SMARCAD1: variants seen among roughly 807,000 people sequenced by gnomAD.
SMARCAD1 encodes the protein SWI/SNF-related matrix-associated actin-dependent regulator of chromatin subfamily A containing DEAD/H box 1.
Under a neutral mutation model 127.1 loss-of-function variants are expected in SMARCAD1, and 25 were observed. The observed-to-expected ratio is 0.20, with a 90% CI of 0.14 to 0.27. The LOEUF (loss-of-function observed/expected upper bound fraction) is 0.27. Ranked by LOEUF, SMARCAD1 falls within the 10% of genes least tolerant of loss-of-function variation. SMARCAD1 has a pLI of 1.00. For missense variants in SMARCAD1, 807 were observed against 1,206.0 expected (o/e 0.67, Z 4.90); for synonymous variants, 400 against 396.9 (o/e 1.01, Z -0.09).
chr4:94,267,875 A>G (rs1225367101), intron 10 of SMARCAD1, among the ~76,000 whole-genome samples: 2 of 152,170 alleles, frequency 1.3e-5, no homozygotes, highest in Admixed American at 6.5e-5. Flanking sequence ...AAAACTGTGA[A>G]GCGTCAAAAT....
intron 2 of SMARCAD1, 125 bp downstream of exon 2, chr4:94,208,709 T>C: frequency 1.1e-6 from 1 of 931,568 alleles, no homozygotes; most frequent in Non-Finnish European, 1.7e-6. Context: ...GGTGTGCCCT[T>C]TTAAATACAG....
intron 6 of SMARCAD1, among the ~76,000 whole-genome samples, chr4:94,246,393 A>G (rs1261145178): frequency 6.6e-6 from 1 of 152,140 alleles, no homozygotes; most frequent in African/African-American, 2.4e-5. Context: ...TGCTGGGATT[A>G]CAAGCGTGAG....
intron 6 of SMARCAD1, among the ~76,000 whole-genome samples, chr4:94,245,479 A>G (rs986665004): frequency 2.0e-5 from 3 of 152,182 alleles, no homozygotes; most frequent in Non-Finnish European, 4.4e-5. Flanking sequence ...TTTAGTGTAA[A>G]AGGAGGAGGC....
intron 3 of SMARCAD1, among the ~76,000 whole-genome samples, chr4:94,227,329 C>T (rs1745182754): frequency 6.6e-6 from 1 of 151,956 alleles, no homozygotes; most frequent in Admixed American, 6.6e-5. Flanking sequence ...GATGGGAATT[C>T]CTAGGAGAAT....
intron 21 of SMARCAD1, 116 bp from the exon 22 acceptor site, chr4:94,283,005 C>T: frequency 1.2e-6 from 1 of 829,430 alleles, no homozygotes; most frequent in South Asian, 1.6e-5. Context: ...AACTGCAATA[C>T]TAAGAGATGT....
chr4:94,222,567 A>G (rs1744312542), intron 2 of SMARCAD1, among the ~76,000 whole-genome samples: 2 of 152,124 alleles, frequency 1.3e-5, no homozygotes, highest in South Asian at 2.1e-4. Context: ...TACATATCTG[A>G]TAAGTGCTAA....
intron 5 of SMARCAD1, among the ~76,000 whole-genome samples, chr4:94,239,765 G>T (rs1315622779): frequency 6.6e-6 from 1 of 151,816 alleles, no homozygotes; most frequent in Non-Finnish European, 1.5e-5. Context: ...TAGAGATGGG[G>T]TTTCACCATA....
chr4:94,251,251 A>G (rs1749232390), intron 8 of SMARCAD1, among the ~76,000 whole-genome samples: 1 of 152,184 alleles, frequency 6.6e-6, no homozygotes, highest in Non-Finnish European at 1.5e-5. Flanking sequence ...ACTTAAGGGT[A>G]TCATAGGCAT....
chr4:94,264,194 A>G (rs533699614), intron 9 of SMARCAD1, among the ~76,000 whole-genome samples: 2 of 152,032 alleles, frequency 1.3e-5, no homozygotes, highest in South Asian at 4.1e-4. Flanking sequence ...TGAAAACTTG[A>G]GGGGCTATAC....
intron 14 of SMARCAD1, 29 bp from the exon 15 acceptor site, chr4:94,276,310 C>T: frequency 6.2e-7 from 1 of 1,613,200 alleles, no homozygotes; most frequent in East Asian, 2.2e-5. Flanking sequence ...AAGGTATAAC[C>T]TTAGAGATGT....
intron 10 of SMARCAD1, among the ~76,000 whole-genome samples, chr4:94,265,741 C>A (rs932844609): frequency 6.6e-6 from 1 of 151,454 alleles, no homozygotes; most frequent in Non-Finnish European, 1.5e-5. Flanking sequence ...GTGGCAAAAC[C>A]ATGGAAACAA....
intron 2 of SMARCAD1, among the ~76,000 whole-genome samples, chr4:94,222,779 ATGG>A (rs954950119): frequency 6.6e-6 from 1 of 151,988 alleles, no homozygotes; most frequent in African/African-American, 2.4e-5. Context: ...CCTGGCAAAC[ATGG>A]TGAAACCCAG....
At chr4:94,249,625 T>C (rs1007670620) in intron 6 of SMARCAD1, 29 bp from the exon 7 acceptor site, 2 of 1,192,804 alleles carry the variant, frequency 1.7e-6, no homozygotes, top group Non-Finnish European at 2.5e-6. Flanking sequence ...ATCTCTTAAA[T>C]TGTTTTCTTT....
intron 9 of SMARCAD1, among the ~76,000 whole-genome samples, chr4:94,254,830 A>G (rs1012050982): frequency 6.6e-6 from 1 of 152,062 alleles, no homozygotes; most frequent in Non-Finnish European, 1.5e-5. Context: ...TATGCTTTAA[A>G]TTTTAATTTG....
chr4:94,217,966 A>G (rs1743459509), intron 2 of SMARCAD1, among the ~76,000 whole-genome samples: 2 of 152,198 alleles, frequency 1.3e-5, no homozygotes, highest in East Asian at 3.9e-4. Flanking sequence ...AATCTGAAAT[A>G]TGTCTCTCAC....
chr4:94,236,356 A>G (rs1319169388), intron 4 of SMARCAD1, among the ~76,000 whole-genome samples: 2 of 152,180 alleles, frequency 1.3e-5, no homozygotes, highest in South Asian at 2.1e-4. Context: ...AAAACAGTAT[A>G]TTAGAATGAT....
At chr4:94,278,830 T>A in intron 18 of SMARCAD1, 97 bp downstream of exon 18, 2 of 1,600,442 alleles carry the variant, frequency 1.2e-6, no homozygotes, top group Non-Finnish European at 1.7e-6. Flanking sequence ...TTTTAAAAAA[T>A]TATCTGGAAT....
intron 6 of SMARCAD1, among the ~76,000 whole-genome samples, chr4:94,249,379 G>A (rs1049724635): frequency 6.6e-6 from 1 of 151,932 alleles, no homozygotes; most frequent in Admixed American, 6.6e-5. Context: ...GATCATTCTA[G>A]TTTTTTAGGA....
intron 3 of SMARCAD1, 103 bp downstream of exon 3, chr4:94,226,399 T>C: frequency 8.1e-6 from 6 of 743,250 alleles, no homozygotes; most frequent in African/African-American, 4.3e-5. Flanking sequence ...TTTTTTTTTT[T>C]TTCTTTTTTT....
Sources: allele counts gnomAD v4.1 joint callset (sites outside exome capture counted in the v4.1 genomes callset), GRCh38; gene constraint gnomAD v4.1.1; transcripts MANE v1.5; gene names NCBI Gene and HGNC (gene_info 2026-07-23, HGNC 2026-07-21).